Variants in LPIN1 observed in about 807,000 individuals in gnomAD.
LPIN1 encodes the protein lipin 1.
Under a neutral mutation model 107.5 loss-of-function variants are expected in LPIN1, and 71 were observed. The ratio of observed to expected loss-of-function variants is 0.66; its 90% CI spans 0.55 to 0.80. The LOEUF (loss-of-function observed/expected upper bound fraction) is 0.80, where lower values mean the gene tolerates loss of function less well. LPIN1 is among the 30% of genes least tolerant of loss of function. The pLI is 0.00. For missense variants in LPIN1, 1,043 were observed against 1,160.6 expected, an observed-to-expected ratio of 0.90 and a Z score of 1.47; for synonymous variants, 445 against 452.6, an observed-to-expected ratio of 0.98 and a Z score of 0.21.
At position 11,771,648 on chromosome 2, in the gene LPIN1, G is replaced by T; in HGVS notation, c.565G>T (p.Asp189Tyr). The T allele has an allele frequency of 6.3e-7, 1 of 1,599,246 alleles. No individual in the cohort carries two copies. Among genetic ancestry groups the T allele is most frequent in the Non-Finnish European group, 8.5e-7 (1 of 1,173,106 alleles). ...CATGTTCCCCATCGAGATGAGCTCGGATGAGGCCATGGAGCTGCTGGAGAG... is the reference window on the plus strand; with the variant it reads ...CATGTTCCCCATCGAGATGAGCTCGTATGAGGCCATGGAGCTGCTGGAGAG... ...EDMFPIEMSSDEAMELLESSR... is the reference protein window; with the variant it reads ...EDMFPIEMSSYEAMELLESSR... Residue 189 changes from aspartate to tyrosine, a missense_variant, in exon 4 of 21, where the codon GAT (aspartate) becomes TAT (tyrosine). By Grantham distance (160) the Asp-to-Tyr change is radical. Transcript: ENST00000674199. The surrounding 1 kb of genome is among the most constrained non-coding windows in gnomAD (Gnocchi z 4.8).
chr2:11,736,423 TG>T (rs1164537995), intron 1 of LPIN1, among the ~76,000 whole-genome samples: 2 of 152,224 alleles, frequency 1.3e-5, no homozygotes, highest in Non-Finnish European at 2.9e-5. Context: ...GAGTGAGCTC[TG>T]GTCTCCTCCT....
chr2:11,826,103 A>G lies in LPIN1; in HGVS notation c.*1312A>G, dbSNP rs1480198731. 1 of 152,684 alleles carries G rather than the reference A, an allele frequency of 6.5e-6. No homozygotes were observed. Among genetic ancestry groups the G allele is most frequent in the African/African-American group, 2.4e-5 (1 of 41,470 alleles). The allele number at this position is 152,684 out of a possible 1,614,324, so 9.5% of individuals were successfully genotyped here. A position where few individuals can be genotyped will look rare whatever the true frequency, so the allele number is the denominator to read the frequency against. On this transcript the variant is annotated 3_prime_UTR_variant, in exon 21 of 21. Transcript: ENST00000674199. ...TGAAAAGTGAAAGAATTATTTTGGT[A>G]AAAGATTTTGCTTTACTTTTCGAAG...
At chr2:11,732,951 C>T (rs1228351539) in intron 1 of LPIN1, among the ~76,000 whole-genome samples, 1 of 150,128 alleles carries the variant, frequency 6.7e-6, no homozygotes, top group Non-Finnish European at 1.5e-5. Flanking sequence ...GGGGGCCAAA[C>T]CAAAACTTGT....
rs1353683622 is a variant in LPIN1 at position 11,771,403 on chromosome 2, C to G, written c.320C>G (p.Pro107Arg). 6 of 1,614,124 alleles carry G rather than the reference C, an allele frequency of 3.7e-6. No homozygotes were observed. The highest frequency in any genetic ancestry group is 5.1e-6 in the Non-Finnish European group (6 of 1,180,058). The change falls in exon 4 of 21, where the codon CCC (proline) becomes CGC (arginine). Residue 107 changes from proline to arginine, a missense_variant. Physicochemically the swap from Pro to Arg is moderately radical, Grantham distance 103. Coordinates refer to ENST00000674199, the MANE Select transcript of LPIN1 (RefSeq NM_001349206.2). The surrounding 1 kb of genome is among the most constrained non-coding windows in gnomAD (Gnocchi z 4.8). ...EVIPMHLATS[P>R]ILSEGASRME... is the part of the protein sequence containing the mutation. The stretch of plus-strand genomic sequence containing the variant: ...ATCCCTATGCACCTGGCCACCTCCC[C>G]CATCCTGTCAGAAGGAGCTTCGAGA...
At chr2:11,782,134 C>T (rs1479070908) in intron 7 of LPIN1, 67 bp from the exon 8 acceptor site, 21 of 1,228,620 alleles carry the variant, frequency 1.7e-5, no homozygotes, top group Non-Finnish European at 2.5e-5. Flanking sequence ...TTGGGTCACT[C>T]AGTTTTTCTG....
upstream of LPIN1, chr2:11,746,225 C>G (rs1666891282): frequency 6.6e-6 from 1 of 152,318 alleles, no homozygotes; most frequent in South Asian, 2.1e-4. Flanking sequence ...AGGACGGGCT[C>G]AGATCCCGCC....
At chr2:11,686,016 G>A (rs961967050) in intron 1 of LPIN1, among the ~76,000 whole-genome samples, 3 of 152,108 alleles carry the variant, frequency 2.0e-5, no homozygotes, top group Admixed American at 6.5e-5. Flanking sequence ...TTCTCCAGCC[G>A]CCTGGAAACC....
upstream of LPIN1, among the ~76,000 whole-genome samples, chr2:11,744,088 A>G (rs1262243792): frequency 6.6e-6 from 1 of 152,226 alleles, no homozygotes; most frequent in Non-Finnish European, 1.5e-5. Flanking sequence ...GGATTGTGAA[A>G]CTGAGCCTCT....
At chr2:11,738,927 G>A (rs1023762751) in intron 1 of LPIN1, among the ~76,000 whole-genome samples, 2 of 152,224 alleles carry the variant, frequency 1.3e-5, no homozygotes, top group Non-Finnish European at 2.9e-5. Flanking sequence ...TCAGGCCTGG[G>A]GATATTGTGT....
At chr2:11,820,229 G>A (rs1415150816) in intron 19 of LPIN1, among the ~76,000 whole-genome samples, 182 bp from the exon 20 acceptor site, 1 of 152,148 alleles carries the variant, frequency 6.6e-6, no homozygotes, top group Non-Finnish European at 1.5e-5. Flanking sequence ...GGGAATTGAG[G>A]CCCAGAGAGC....
Position 11,787,065 on chromosome 2 carries a change from C to A in LPIN1, c.1550-9C>A. On this transcript the variant is annotated splice_polypyrimidine_tract_variant and intron_variant, in intron 10 of 20. Coordinates refer to ENST00000674199, the MANE Select transcript of LPIN1 (RefSeq NM_001349206.2). ...GTTTTTCCCTGATCCTCTGCAATTG[C>A]TGTCACAGATGCATTCCTGGAGCAA... The A allele has an allele frequency of 6.3e-7, 1 of 1,595,600 alleles. No individual in the cohort carries two copies. Among genetic ancestry groups the A allele is most frequent in the Non-Finnish European group, 8.6e-7 (1 of 1,162,964 alleles).
At chr2:11,746,433 G>C (rs1666918503), upstream of LPIN1, among the ~76,000 whole-genome samples, 1 of 152,180 alleles carries the variant, frequency 6.6e-6, no homozygotes, top group Non-Finnish European at 1.5e-5. Flanking sequence ...GCGGCCTAAG[G>C]GGCCCCACCC....
chr2:11,799,103 A>G (rs1279319084), intron 14 of LPIN1, among the ~76,000 whole-genome samples: 2 of 152,194 alleles, frequency 1.3e-5, no homozygotes, highest in Non-Finnish European at 2.9e-5. Flanking sequence ...GGGTGGCGCA[A>G]TCTGAGACGT....
chr2:11,714,754 C>T (rs1264574751), intron 2 of LPIN1, among the ~76,000 whole-genome samples: 1 of 152,216 alleles, frequency 6.6e-6, no homozygotes, highest in African/African-American at 2.4e-5. Context: ...CCTACTGTGG[C>T]CTGGTCCAAG....
At chr2:11,756,197 C>T (rs1466628803) in intron 1 of LPIN1, among the ~76,000 whole-genome samples, 1 of 152,140 alleles carries the variant, frequency 6.6e-6, no homozygotes, top group Non-Finnish European at 1.5e-5. Context: ...AAGGAGCAAA[C>T]CCACAATGTG....
rs139868729 is a variant in LPIN1, at chr2:11,725,186, A to G, written c.-72+647A>G. ...TGAGGCAGGAGAATGGCGTGAACCCAGGAGGCAGAGCCTGCATTGAGCTGA... is the reference window on the plus strand; with the variant it reads ...TGAGGCAGGAGAATGGCGTGAACCCGGGAGGCAGAGCCTGCATTGAGCTGA... On this transcript the variant is annotated intron_variant, in intron 1 of 21. Transcript: ENST00000396097. 6.2e-3 allele frequency among the ~76,000 whole-genome samples: 951 copies of G among 152,334 alleles called. 14 individuals carry two copies. Among genetic ancestry groups the G allele is most frequent in the Admixed American group, 0.024 (363 of 15,304 alleles).
chr2:11,798,426 G>A lies in LPIN1; in HGVS notation c.1886+2939G>A, dbSNP rs565191319. Among the ~76,000 whole-genome samples the A allele has an allele frequency of 2.6e-5, 4 of 152,286 alleles. No homozygotes were observed. The South Asian group carries it at 8.3e-4, about 32-fold the overall frequency. On this transcript the variant is annotated intron_variant, in intron 14 of 20. Transcript: ENST00000674199. ...TACTCCTTCTAGACATAGCAGGCAG[G>A]ACCCCAGGAGAGTGTGGAGAGCAGC...
rs754372493 is a variant in LPIN1, at chr2:11,784,966, G to T, written c.1439G>T (p.Ser480Ile). 3 of 1,613,836 alleles carry T rather than the reference G, an allele frequency of 1.9e-6. No individual in the cohort carries two copies. The highest frequency in any genetic ancestry group is 2.5e-6 in the Non-Finnish European group (3 of 1,180,030). The change falls in exon 10 of 21, where the codon AGC becomes ATC. Residue 480 changes from serine to isoleucine, a missense_variant. Transcript: ENST00000674199. ...SANQSPQSVG[S>I]SGVDSGVEST... The stretch of plus-strand genomic sequence containing the variant: ...AACCAGTCCCCGCAGTCGGTGGGCA[G>T]CTCGGGCGTGGACAGTGGCGTGGAG...
At chr2:11,701,264 G>T (rs1572347037) in intron 1 of LPIN1, among the ~76,000 whole-genome samples, 1 of 152,292 alleles carries the variant, frequency 6.6e-6, no homozygotes, top group Admixed American at 6.5e-5. Context: ...TTGGATTACA[G>T]ATACTAGTTT....
Sources: allele counts gnomAD v4.1 joint callset (sites outside exome capture counted in the v4.1 genomes callset), GRCh38; gene constraint gnomAD v4.1.1; non-coding constraint Gnocchi (gnomAD v3.1); transcripts MANE v1.5; gene names NCBI Gene and HGNC (gene_info 2026-07-23, HGNC 2026-07-21).